Variants in JAK2 observed in about 807,000 individuals in gnomAD.
The protein encoded by JAK2 is Janus kinase 2.
A neutral mutation model predicts 139.3 loss-of-function variants in JAK2; 86 were observed. The ratio of observed to expected loss-of-function variants is 0.62; its 90% CI spans 0.52 to 0.74. The LOEUF (loss-of-function observed/expected upper bound fraction) is 0.74. Among genes scored for constraint, JAK2 ranks in the 30% least tolerant of loss-of-function variants. JAK2 has a pLI of 0.00. For missense variants in JAK2, 1,421 were observed against 1,360.3 expected (o/e 1.04, Z -0.70); for synonymous variants, 490 against 437.7 (o/e 1.12, Z -1.49).
chr9:5,099,985 A>G (rs1821340760), intron 22 of JAK2: 1 of 152,212 alleles, frequency 6.6e-6, no homozygotes, highest in Non-Finnish European at 1.5e-5. Flanking sequence ...ACTAGTAATC[A>G]TTGAAACCAT....
chr9:4,996,132 C>A (rs1820544667), intron 2 of JAK2, among the ~76,000 whole-genome samples: 1 of 152,156 alleles, frequency 6.6e-6, no homozygotes, highest in Admixed American at 6.5e-5. Flanking sequence ...TTAGAGAAGA[C>A]AGAATTACAG....
rs138612970 is a variant in JAK2, at chr9:5,117,183, C to G, written c.3060-5821C>G. ...TGCCAGCACCTTTATCATGGACTCC[C>G]AACCTCCAGAAGTATGAGAAATAAA... On this transcript the variant is annotated intron_variant, in intron 22 of 24. Transcript: ENST00000381652. Among the ~76,000 whole-genome samples the G allele has an allele frequency of 7.1e-3, 1,082 of 152,348 alleles. 10 individuals are homozygous for G. Among genetic ancestry groups the G allele is most frequent in the African/African-American group, 0.025 (1,037 of 41,562 alleles).
intron 6 of JAK2, among the ~76,000 whole-genome samples, chr9:5,053,774 G>C (rs1163698189): frequency 6.6e-6 from 1 of 151,992 alleles, no homozygotes; most frequent in African/African-American, 2.4e-5. Flanking sequence ...CTTTGTGCCT[G>C]TGGATTCTAC....
chr9:5,033,428 C>A (rs1823319237), intron 4 of JAK2, among the ~76,000 whole-genome samples: 1 of 152,078 alleles, frequency 6.6e-6, no homozygotes, highest in South Asian at 2.1e-4. Flanking sequence ...AACTCCAACA[C>A]ACATAATTGT....
intron 18 of JAK2, among the ~76,000 whole-genome samples, chr9:5,081,326 G>A (rs1234830095): frequency 6.6e-6 from 1 of 150,692 alleles, no homozygotes. Flanking sequence ...TTTTATAATT[G>A]ATTGATTCTC....
At chr9:5,027,171 A>G (rs1822834669) in intron 3 of JAK2, among the ~76,000 whole-genome samples, 1 of 152,220 alleles carries the variant, frequency 6.6e-6, no homozygotes, top group Non-Finnish European at 1.5e-5. Flanking sequence ...TATCTGCTTG[A>G]AAGAGTCTCA....
chr9:5,078,551 T>G, intron 16 of JAK2, 107 bp downstream of exon 16: 1 of 782,584 alleles, frequency 1.3e-6, no homozygotes, highest in South Asian at 2.1e-5. Context: ...TGTATGTTCC[T>G]GATTAATAAT....
In JAK2 at chr9:5,123,136, T is replaced by C; in HGVS notation, c.3177+15T>C. On this transcript the variant is annotated intron_variant, in intron 23 of 24. Coordinates refer to ENST00000381652, the MANE Select transcript of JAK2 (RefSeq NM_004972.4). Reference sequence around the variant, plus strand: ...GTCCACCAGCGGTCAGTGTGCTTTTTATTTACTTTCAGTTTTTTGTTTGTT... The same window carrying C: ...GTCCACCAGCGGTCAGTGTGCTTTTCATTTACTTTCAGTTTTTTGTTTGTT... 6.6e-7 allele frequency: 1 copy of C among 1,508,766 alleles called. No individual in the cohort carries two copies. Among genetic ancestry groups the C allele is most frequent in the Non-Finnish European group, 9.1e-7 (1 of 1,103,006 alleles). The allele number at this position is 1,508,766 out of a possible 1,614,324, so 93.5% of individuals were successfully genotyped here. A position where few individuals can be genotyped will look rare whatever the true frequency, so the allele number is the denominator to read the frequency against.
At chr9:5,009,272 A>C (rs1428877022) in intron 2 of JAK2, among the ~76,000 whole-genome samples, 1 of 152,200 alleles carries the variant, frequency 6.6e-6, no homozygotes, top group East Asian at 1.9e-4. Flanking sequence ...AATGCAAAAG[A>C]GGCAAAATTA....
At chr9:5,041,994 TG>T in intron 4 of JAK2, 1 of 357,710 alleles carries the variant, frequency 2.8e-6, no homozygotes, top group Non-Finnish European at 5.4e-6. Flanking sequence ...GTGAGGGCCT[TG>T]GGGCCCACCC....
chr9:5,045,115 T>C (rs528816272), intron 5 of JAK2, among the ~76,000 whole-genome samples: 14 of 152,330 alleles, frequency 9.2e-5, no homozygotes, highest in African/African-American at 2.4e-4. Flanking sequence ...TAAACAGTAA[T>C]TGAAATATTT....
rs1817707397 is a variant in JAK2 at position 5,055,617 on chromosome 9, A to G, written c.937-52A>G. 3 of 1,402,902 alleles carry G rather than the reference A, an allele frequency of 2.1e-6. No individual in the cohort carries two copies. In the South Asian group the frequency reaches 3.8e-5, roughly 18 times the overall value. The allele number at this position is 1,402,902 out of a possible 1,614,324, so 86.9% of individuals were successfully genotyped here. On this transcript the variant is annotated intron_variant, in intron 7 of 24. Transcript: ENST00000381652. The stretch of plus-strand genomic sequence containing the variant: ...GTTGTCTTCTTAAGTCTTGTTTTAA[A>G]ATGGCTCTGTAAATTCTACCCGTTT...
chr9:5,120,279 A>G (rs1823515413), intron 22 of JAK2, among the ~76,000 whole-genome samples: 1 of 152,216 alleles, frequency 6.6e-6, no homozygotes, highest in Non-Finnish European at 1.5e-5. Flanking sequence ...AGAAGCCCTC[A>G]TGGCGTAATC....
At chr9:4,998,415 C>T (rs1390567840) in intron 2 of JAK2, among the ~76,000 whole-genome samples, 1 of 152,228 alleles carries the variant, frequency 6.6e-6, no homozygotes, top group East Asian at 1.9e-4. Flanking sequence ...CACCACCACG[C>T]CCAGCTAATT....
chr9:5,122,909 T>C (rs1823720154), intron 22 of JAK2, 95 bp from the exon 23 acceptor site: 1 of 749,358 alleles, frequency 1.3e-6, no homozygotes, highest in African/African-American at 1.8e-5. Context: ...TTTCTCTACA[T>C]GTTTTTTTTT....
intron 2 of JAK2, among the ~76,000 whole-genome samples, chr9:5,001,961 G>A (rs1212295894): frequency 1.3e-5 from 2 of 151,950 alleles, no homozygotes; most frequent in Non-Finnish European, 2.9e-5. Flanking sequence ...TCATTGGCAT[G>A]AAGTTGCTCC....
At position 5,027,280 on chromosome 9, in the gene JAK2, G is replaced by A. The variant is rs76452901; in HGVS notation, c.227-2503G>A. 1.1e-3 allele frequency among the ~76,000 whole-genome samples: 162 copies of A among 152,288 alleles called. 2 individuals carry two copies. The East Asian group carries it at 0.011, about 11-fold the overall frequency. ...AATATTGCAATAAAGCAAATCACAT[G>A]AAGTTTTAGGTTTCCCAGTGCATAT... On this transcript the variant is annotated intron_variant, in intron 3 of 24. Transcript: ENST00000381652.
chr9:5,001,294 A>G (rs1644221964), intron 2 of JAK2, among the ~76,000 whole-genome samples: 1 of 152,320 alleles, frequency 6.6e-6, no homozygotes, highest in South Asian at 2.1e-4. Flanking sequence ...AAAGCATTCA[A>G]TATGTAATCA....
At chr9:5,057,585 T>C (rs868764162) in intron 8 of JAK2, among the ~76,000 whole-genome samples, 3,357 of 126,826 alleles carry the variant, frequency 0.026, 129 homozygotes, top group African/African-American at 0.14. Context: ...ACTTTCTTTT[T>C]TTTTTTTTTT....
Sources: gnomAD v4.1 joint callset for allele counts (sites outside exome capture counted in the v4.1 genomes callset) on GRCh38, gnomAD v4.1.1 for gene constraint, MANE v1.5 for transcripts, NCBI Gene and HGNC (gene_info 2026-07-23, HGNC 2026-07-21) for gene names.